The following OIT3 variants were observed in gnomAD, a reference collection of about 807,000 sequenced individuals.
OIT3 encodes oncoprotein induced transcript 3, also known as oncoprotein-induced transcript 3 protein.
In OIT3, 41 loss-of-function variants were observed where a neutral mutation model predicts 52.2. The observed-to-expected ratio is 0.79, with a 90% CI of 0.61 to 1.02. The LOEUF (loss-of-function observed/expected upper bound fraction) is 1.02, where lower values mean the gene tolerates loss of function less well. OIT3 is among the 50% of genes least tolerant of loss of function. The pLI is 0.00. For synonymous variants in OIT3, 244 were observed against 276.9 expected, an observed-to-expected ratio of 0.88 and a Z score of 1.18; for missense variants, 634 against 715.5, an observed-to-expected ratio of 0.89 and a Z score of 1.30.
At chr10:72,931,486 C>G (rs1846215906) in intron 8 of OIT3, among the ~76,000 whole-genome samples, 1 of 152,000 alleles carries the variant, frequency 6.6e-6, no homozygotes, top group Non-Finnish European at 1.5e-5. Context: ...GACCCTGTCT[C>G]TAAAAACAAA....
At chr10:72,918,861 T>C (rs1168329816) in intron 6 of OIT3, among the ~76,000 whole-genome samples, 2 of 152,166 alleles carry the variant, frequency 1.3e-5, no homozygotes, top group Admixed American at 1.3e-4. Context: ...TACCATGCTG[T>C]TTTGATTACT....
chr10:72,898,582 A>G, intron 1 of OIT3, 82 bp from the exon 2 acceptor site: 1 of 1,332,572 alleles, frequency 7.5e-7, no homozygotes, highest in Non-Finnish European at 1.0e-6. Context: ...GTCCAAATGC[A>G]AGACCAAGAA....
intron 7 of OIT3, among the ~76,000 whole-genome samples, chr10:72,926,690 C>G (rs1016107938): frequency 1.3e-5 from 2 of 152,134 alleles, no homozygotes; most frequent in African/African-American, 4.8e-5. Context: ...CGGCCCGTAG[C>G]AAAGGGCATC....
At chr10:72,929,574 CTT>C (rs77531395) in intron 7 of OIT3, among the ~76,000 whole-genome samples, 22 of 139,704 alleles carry the variant, frequency 1.6e-4, no homozygotes, top group Non-Finnish European at 1.6e-4. Flanking sequence ...CCACACTTGA[CTT>C]TTTTTTTTTT....
chr10:72,926,562 A>G (rs1846171249), intron 7 of OIT3, among the ~76,000 whole-genome samples: 1 of 152,194 alleles, frequency 6.6e-6, no homozygotes, highest in Non-Finnish European at 1.5e-5. Context: ...ATGGTTCTTT[A>G]TTAGCTTTGA....
At chr10:72,894,349 C>T (rs1293705177) in intron 1 of OIT3, among the ~76,000 whole-genome samples, 1 of 152,116 alleles carries the variant, frequency 6.6e-6, no homozygotes, top group East Asian at 1.9e-4. Context: ...AAATTGTCTC[C>T]CTCCTCAGGC....
intron 8 of OIT3, among the ~76,000 whole-genome samples, 196 bp downstream of exon 8, chr10:72,930,833 G>A (rs1468808409): frequency 2.6e-5 from 4 of 151,896 alleles, no homozygotes; most frequent in African/African-American, 9.7e-5. Flanking sequence ...CAAAATAACT[G>A]TGCTGTTCCC....
At chr10:72,909,356 GC>G (rs770994283) in intron 4 of OIT3, among the ~76,000 whole-genome samples, 48 of 151,744 alleles carry the variant, frequency 3.2e-4, no homozygotes, top group Non-Finnish European at 6.6e-4. Flanking sequence ...CTGAGCTCAA[GC>G]AACCCACCTG....
At chr10:72,908,306 A>G (rs1318562106) in intron 4 of OIT3, among the ~76,000 whole-genome samples, 1 of 152,148 alleles carries the variant, frequency 6.6e-6, no homozygotes, top group Non-Finnish European at 1.5e-5. Flanking sequence ...TGCAGATTAT[A>G]TGGAGAGATA....
chr10:72,907,425 T>C (rs181173041), intron 4 of OIT3, among the ~76,000 whole-genome samples: 219 of 152,312 alleles, frequency 1.4e-3, no homozygotes, highest in Non-Finnish European at 2.8e-3. Flanking sequence ...TCAGCTATGC[T>C]GCTGGTCCAA....
rs150392724 is a variant in OIT3 at position 72,919,392 on chromosome 10, A to C, written c.952-4837A>C. 8.5e-5 allele frequency among the ~76,000 whole-genome samples: 13 copies of C among 152,330 alleles called. No homozygotes were observed. The East Asian group carries it at 2.3e-3, about 27-fold the overall frequency. ...CTAGATATGGAATCTTGTCATCTGC[A>C]GACAGGGATAGTTTGACTCCTCTCT... On this transcript the variant is annotated intron_variant, in intron 6 of 8. Transcript: ENST00000334011.
At chr10:72,930,810 C>T (rs1044369105) in intron 8 of OIT3, among the ~76,000 whole-genome samples, 173 bp downstream of exon 8, 3 of 151,752 alleles carry the variant, frequency 2.0e-5, no homozygotes, top group African/African-American at 7.3e-5. Flanking sequence ...CATGTCACAC[C>T]CGCCCTGCCT....
intron 6 of OIT3, among the ~76,000 whole-genome samples, chr10:72,921,256 G>C (rs555653591): frequency 6.6e-6 from 1 of 152,230 alleles, no homozygotes; most frequent in African/African-American, 2.4e-5. Flanking sequence ...GCTTTTTCCT[G>C]TTTTCCATGT....
chr10:72,911,855 G>GGGGGACTT lies in OIT3; in HGVS notation c.790+18_790+25dup, dbSNP rs755167343. On this transcript the variant is annotated intron_variant, in intron 5 of 8. Coordinates refer to ENST00000334011, the MANE Select transcript of OIT3 (RefSeq NM_152635.3). The stretch of plus-strand genomic sequence containing the variant: ...ACTTGCCAAGGTAGTACATGGGGCA[G>GGGGGACTT]GGGGACTTGTCTCTACTCTGATTAC... 2.5e-6 allele frequency: 4 copies of GGGGGACTT among 1,606,980 alleles called. No homozygotes were observed. In the Admixed American group the frequency reaches 6.8e-5, roughly 27 times the overall value.
chr10:72,900,593 C>CCATTCCAAGTGT, intron 3 of OIT3, 109 bp downstream of exon 3: 2 of 643,634 alleles, frequency 3.1e-6, no homozygotes, highest in Non-Finnish European at 5.5e-6. Context: ...TCTCCAAACA[C>CCATTCCAAGTGT]TTGGAATGGT....
chr10:72,914,323 G>A (rs889932760), intron 6 of OIT3, among the ~76,000 whole-genome samples: 3 of 152,204 alleles, frequency 2.0e-5, no homozygotes, highest in African/African-American at 7.2e-5. Context: ...TTTAGGTGAT[G>A]TGGTGATGAA....
intron 4 of OIT3, among the ~76,000 whole-genome samples, chr10:72,907,680 C>T (rs1235466348): frequency 2.0e-5 from 3 of 152,098 alleles, no homozygotes; most frequent in African/African-American, 4.8e-5. Flanking sequence ...TACATGAAAC[C>T]ATTTCCTCTC....
chr10:72,907,790 A>G (rs958291497), intron 4 of OIT3, among the ~76,000 whole-genome samples: 1 of 152,216 alleles, frequency 6.6e-6, no homozygotes, highest in East Asian at 1.9e-4. Context: ...TTAATAGCAG[A>G]CATTTTATAG....
chr10:72,928,338 C>T lies in OIT3; in HGVS notation c.1368-2200C>T, dbSNP rs115916096. Among the ~76,000 whole-genome samples, 318 of 152,328 alleles carry T rather than the reference C, an allele frequency of 2.1e-3. 1 individual carries two copies. Among genetic ancestry groups the T allele is most frequent in the African/African-American group, 7.6e-3 (314 of 41,586 alleles). On this transcript the variant is annotated intron_variant, in intron 7 of 8. Transcript: ENST00000334011. ...TTTTGATTCCATTATACCCTTGTTA[C>T]TTTCTTTCAGTACATGAATTCGGTG... is the stretch of plus-strand genomic sequence containing the variant.
Sources: gnomAD v4.1 joint callset for allele counts (sites outside exome capture counted in the v4.1 genomes callset) on GRCh38, gnomAD v4.1.1 for gene constraint, MANE v1.5 for transcripts, NCBI Gene and HGNC (gene_info 2026-07-23, HGNC 2026-07-21) for gene names.